The following NRXN1 variants were observed in gnomAD, a reference collection of about 807,000 sequenced individuals.
NRXN1 encodes neurexin 1, also known as neurexin-1.
Under a neutral mutation model 150.9 loss-of-function variants are expected in NRXN1, and 39 were observed. The observed-to-expected ratio is 0.26, with a 90% confidence interval of 0.20 to 0.34. The LOEUF is 0.34. NRXN1 is among the 10% of genes least tolerant of loss of function. The pLI, the probability that NRXN1 is intolerant of heterozygous loss-of-function variation, is 1.00. For missense variants in NRXN1, 1,815 were observed against 1,949.9 expected, an observed-to-expected ratio of 0.93 and a Z score of 1.30; for synonymous variants, 924 against 757.0, an observed-to-expected ratio of 1.22 and a Z score of -3.62.
chr2:49,969,680 T>C (rs1000822092), intron 21 of NRXN1: 3 of 151,998 alleles, frequency 2.0e-5, no homozygotes, highest in South Asian at 2.1e-4. Flanking sequence ...CCCATCCGAG[T>C]ACTAACCAGG....
intron 17 of NRXN1, among the ~76,000 whole-genome samples, chr2:50,238,392 G>A (rs909837437): frequency 1.3e-5 from 2 of 151,804 alleles, no homozygotes; most frequent in African/African-American, 2.4e-5. Context: ...TCCCATAATC[G>A]ATACCCCTAG....
chr2:50,552,558 TA>T, intron 9 of NRXN1, 28 bp downstream of exon 9: 1 of 1,563,892 alleles, frequency 6.4e-7, no homozygotes, highest in Non-Finnish European at 8.8e-7. Flanking sequence ...CTCCAGCAGA[TA>T]AACAGCATAG....
intron 5 of NRXN1, among the ~76,000 whole-genome samples, chr2:50,765,793 C>A (rs1249440549): frequency 1.3e-5 from 2 of 151,992 alleles, no homozygotes; most frequent in Non-Finnish European, 1.5e-5. Flanking sequence ...AGTGAGTCAG[C>A]ATTTTTTGAA....
intron 5 of NRXN1, among the ~76,000 whole-genome samples, chr2:50,768,899 C>A (rs1011831572): frequency 6.0e-5 from 9 of 150,854 alleles, no homozygotes; most frequent in African/African-American, 2.2e-4. Context: ...CCACCACGAA[C>A]AACAACAACA....
chr2:50,865,764 TG>T (rs1676844770), intron 5 of NRXN1, among the ~76,000 whole-genome samples: 1 of 140,790 alleles, frequency 7.1e-6, no homozygotes, highest in Non-Finnish European at 1.5e-5. Context: ...GGTGGGGGGA[TG>T]TACATACATC....
At chr2:50,995,865 C>T (rs936038501) in intron 2 of NRXN1, among the ~76,000 whole-genome samples, 2 of 152,048 alleles carry the variant, frequency 1.3e-5, no homozygotes, top group African/African-American at 4.8e-5. Flanking sequence ...GCTTTAATCT[C>T]CAGCTGTCTT....
intron 15 of NRXN1, among the ~76,000 whole-genome samples, chr2:50,479,861 C>T (rs2090326283): frequency 6.8e-6 from 1 of 147,850 alleles, no homozygotes. Flanking sequence ...GCAACCTCCG[C>T]CTCCTGGGTT....
At chr2:50,760,225 T>C (rs1701650319) in intron 5 of NRXN1, among the ~76,000 whole-genome samples, 1 of 151,930 alleles carries the variant, frequency 6.6e-6, no homozygotes, top group Non-Finnish European at 1.5e-5. Flanking sequence ...CACTGAGTTA[T>C]TAGGCAAGTT....
intron 19 of NRXN1, among the ~76,000 whole-genome samples, chr2:50,088,754 AAT>A (rs1250843176): frequency 1.3e-5 from 2 of 152,010 alleles, no homozygotes; most frequent in African/African-American, 4.8e-5. Context: ...AATATGTACA[AAT>A]ATTTTTTTCA....
intron 5 of NRXN1, among the ~76,000 whole-genome samples, chr2:50,695,208 C>T (rs1217848368): frequency 6.6e-6 from 1 of 152,000 alleles, no homozygotes; most frequent in Non-Finnish European, 1.5e-5. Flanking sequence ...GGGGGGAAGG[C>T]ATCTTATCTT....
At chr2:50,421,838 T>C (rs1006054605) in intron 17 of NRXN1, among the ~76,000 whole-genome samples, 2 of 152,082 alleles carry the variant, frequency 1.3e-5, no homozygotes, top group Admixed American at 1.3e-4. Flanking sequence ...TGTTTTCCTA[T>C]TTTTTTCTCC....
chr2:50,934,103 C>T (rs556849927), intron 2 of NRXN1, among the ~76,000 whole-genome samples: 2 of 152,158 alleles, frequency 1.3e-5, no homozygotes, highest in South Asian at 4.2e-4. Context: ...TCAAAAGCTC[C>T]TCCCTAAACA....
At chr2:50,887,756 CA>C (rs1466320428) in intron 5 of NRXN1, among the ~76,000 whole-genome samples, 4 of 151,104 alleles carry the variant, frequency 2.6e-5, no homozygotes, top group African/African-American at 9.7e-5. Flanking sequence ...TGTTCATGGT[CA>C]GGGAAAAGAT....
chr2:50,523,768 G>C (rs1045150866), intron 12 of NRXN1, among the ~76,000 whole-genome samples: 1 of 152,138 alleles, frequency 6.6e-6, no homozygotes, highest in African/African-American at 2.4e-5. Context: ...CAAAAGCGAG[G>C]TCAAGTACTT....
intron 17 of NRXN1, among the ~76,000 whole-genome samples, chr2:50,415,725 T>C (rs1277113638): frequency 6.6e-6 from 1 of 152,080 alleles, no homozygotes; most frequent in Non-Finnish European, 1.5e-5. Flanking sequence ...TCATCATAAA[T>C]ATTGAGTCCA....
chr2:50,429,091 T>C (rs1056667206), intron 17 of NRXN1, among the ~76,000 whole-genome samples: 7 of 152,138 alleles, frequency 4.6e-5, no homozygotes, highest in African/African-American at 1.7e-4. Context: ...AATTTTAAAA[T>C]TCCTTATTTT....
At chr2:50,381,226 GA>G (rs762338321) in intron 17 of NRXN1, among the ~76,000 whole-genome samples, 13 of 146,800 alleles carry the variant, frequency 8.9e-5, no homozygotes, top group Non-Finnish European at 1.6e-4. Flanking sequence ...ATATACTTAT[GA>G]GGAAAAAAAA....
At chr2:50,210,212 G>A (rs1490372526) in intron 18 of NRXN1, among the ~76,000 whole-genome samples, 2 of 151,812 alleles carry the variant, frequency 1.3e-5, no homozygotes, top group African/African-American at 2.4e-5. Context: ...TCTTAAAAGT[G>A]TTTTAATGAA....
At position 50,538,461 on chromosome 2, in the gene NRXN1, C is replaced by T. The variant is rs768668947; in HGVS notation, c.1935G>A (p.Arg645=). 3 of 1,613,902 alleles carry T rather than the reference C, an allele frequency of 1.9e-6. No individual in the cohort carries two copies. The highest frequency in any genetic ancestry group is 3.3e-5 in the Admixed American group (2 of 60,010). ...LLNYGYVGCI[R]DLFIDGQSKD... ...TGCTTTGGCCATCGATGAACAAATC[C>T]CTGATGCAGCCCACGTAGCCATAGT... The change falls in exon 10 of 23, where the codon AGG becomes AGA. Residue 645 remains arginine, a synonymous_variant. Coordinates refer to ENST00000401669, the MANE Select transcript of NRXN1 (RefSeq NM_001330078.2).
Sources: allele counts gnomAD v4.1 joint callset (sites outside exome capture counted in the v4.1 genomes callset), GRCh38; gene constraint gnomAD v4.1.1; transcripts MANE v1.5; gene names NCBI Gene and HGNC (gene_info 2026-07-23, HGNC 2026-07-21).